Variants in FBLN1 observed in about 807,000 individuals in gnomAD.
The protein encoded by FBLN1 is fibulin-1.
A neutral mutation model predicts 89.7 loss-of-function variants in FBLN1; 34 were observed. The ratio of observed to expected loss-of-function variants is 0.38; its 90% CI spans 0.29 to 0.50. The LOEUF (loss-of-function observed/expected upper bound fraction) is 0.50. Ranked by LOEUF, FBLN1 falls within the 20% of genes least tolerant of loss-of-function variation. FBLN1 has a pLI of 0.92. For missense variants in FBLN1, 777 were observed against 988.1 expected, an observed-to-expected ratio of 0.79 and a Z score of 2.86; for synonymous variants, 393 against 391.3, an observed-to-expected ratio of 1.00 and a Z score of -0.05.
chr22:45,571,561 C>T (rs914973835), intron 14 of FBLN1, among the ~76,000 whole-genome samples: 1 of 152,132 alleles, frequency 6.6e-6, no homozygotes, highest in African/African-American at 2.4e-5. Flanking sequence ...AATTGTTATC[C>T]TGAGGCTACT....
At chr22:45,564,691 C>A (rs1475597375) in intron 14 of FBLN1, among the ~76,000 whole-genome samples, 1 of 152,242 alleles carries the variant, frequency 6.6e-6, no homozygotes, top group Non-Finnish European at 1.5e-5. Flanking sequence ...GTCTTCCGCA[C>A]CTTCCAGAAG....
At chr22:45,592,629 C>A (rs1223354581) in intron 16 of FBLN1, among the ~76,000 whole-genome samples, 1 of 152,178 alleles carries the variant, frequency 6.6e-6, no homozygotes, top group East Asian at 1.9e-4. Context: ...CGCCCGGCCG[C>A]ACATATTCTC....
chr22:45,579,976 GT>G lies in FBLN1; in HGVS notation c.1972+2870del, dbSNP rs2089029219. On this transcript the variant is annotated intron_variant, in intron 16 of 16. Coordinates refer to ENST00000327858, the MANE Select transcript of FBLN1 (RefSeq NM_006486.3). This position sits in a 1 kb window ranked among gnomAD's most constrained non-coding sequence, Gnocchi z 5.5. ...CCTGAAGCAGCCCTGAAAACGTGGGGTTGAACCCTTGCCGGCTCCTTACCGT... is the reference window on the plus strand; with the variant it reads ...CCTGAAGCAGCCCTGAAAACGTGGGGTGAACCCTTGCCGGCTCCTTACCGT... Among the ~76,000 whole-genome samples the G allele has an allele frequency of 6.6e-6, 1 of 152,006 alleles. No individual in the cohort carries two copies. The highest frequency in any genetic ancestry group is 6.6e-5 in the Admixed American group (1 of 15,254).
rs192555510 is a variant in FBLN1 at position 45,579,318 on chromosome 22, G to A, written c.1972+2210G>A. Among the ~76,000 whole-genome samples, 1 of 152,280 alleles carries A rather than the reference G, an allele frequency of 6.6e-6. No homozygotes were observed. The highest frequency in any genetic ancestry group is 1.5e-5 in the Non-Finnish European group (1 of 68,044). ...AACTGAGGCCCGGAAGGGCGAGGGGGCTTGCCAGTCTTCTTACAGTGAATC... is the reference window on the plus strand; with the variant it reads ...AACTGAGGCCCGGAAGGGCGAGGGGACTTGCCAGTCTTCTTACAGTGAATC... On this transcript the variant is annotated intron_variant, in intron 16 of 16. Coordinates refer to ENST00000327858, the MANE Select transcript of FBLN1 (RefSeq NM_006486.3). The surrounding 1 kb of genome is among the most constrained non-coding windows in gnomAD (Gnocchi z 5.5).
Position 45,582,192 on chromosome 22 carries a change from T to C in FBLN1, c.1972+5084T>C, listed in dbSNP as rs544474358. ...CGGGACTCCCCATCCCCATGGCCTA[T>C]GTTAAGCCCTGATTATTTTTTCTGG... On this transcript the variant is annotated intron_variant, in intron 16 of 16. Coordinates refer to ENST00000327858, the MANE Select transcript of FBLN1 (RefSeq NM_006486.3). Among the ~76,000 whole-genome samples the C allele has an allele frequency of 3.9e-5, 6 of 152,314 alleles. No individual in the cohort carries two copies. The East Asian group carries it at 1.2e-3, about 29-fold the overall frequency.
chr22:45,583,856 A>G lies in FBLN1; in HGVS notation c.1972+6748A>G, dbSNP rs780095182. Among the ~76,000 whole-genome samples the G allele has an allele frequency of 2.0e-5, 3 of 152,184 alleles. No individual in the cohort carries two copies. The highest frequency in any genetic ancestry group is 4.4e-5 in the Non-Finnish European group (3 of 68,022). ...GGGACCAAAGCCTTTACTGGGGTCC[A>G]GGGTGTTATCCAGGCAGGTTTCCCG... On this transcript the variant is annotated intron_variant, in intron 16 of 16. Coordinates refer to ENST00000327858, the MANE Select transcript of FBLN1 (RefSeq NM_006486.3). The surrounding 1 kb of genome is among the most constrained non-coding windows in gnomAD (Gnocchi z 4.5).
chr22:45,539,642 A>ACG (rs2088529290), intron 8 of FBLN1, among the ~76,000 whole-genome samples: 1 of 152,198 alleles, frequency 6.6e-6, no homozygotes, highest in Non-Finnish European at 1.5e-5. Flanking sequence ...AGCCAAGTGA[A>ACG]CGGGGACCTT....
chr22:45,522,273 A>G lies in FBLN1; in HGVS notation c.186-3270A>G, dbSNP rs908357404. On this transcript the variant is annotated intron_variant, in intron 2 of 16. Coordinates refer to ENST00000327858, the MANE Select transcript of FBLN1 (RefSeq NM_006486.3). ...CATGCTGAGATTACAGGCATGAGCC[A>G]CTGCACCCAGCCAAATTCTCTTCTT... Among the ~76,000 whole-genome samples the G allele has an allele frequency of 1.6e-4, 24 of 152,348 alleles. No homozygotes were observed. The East Asian group carries it at 4.4e-3, about 28-fold the overall frequency.
chr22:45,528,320 G>C lies in FBLN1; in HGVS notation c.484+311G>C, dbSNP rs551915789. Among the ~76,000 whole-genome samples, 5 of 152,160 alleles carry C rather than the reference G, an allele frequency of 3.3e-5. No homozygotes were observed. In the South Asian group the frequency reaches 8.3e-4, roughly 25 times the overall value. On this transcript the variant is annotated intron_variant, in intron 4 of 16. Coordinates refer to ENST00000327858, the MANE Select transcript of FBLN1 (RefSeq NM_006486.3). Reference sequence around the variant, plus strand: ...GTATGAAGATGATCTGCTTTTCTCAGCATCAACAGACTTACATGTTAATCT... The same window carrying C: ...GTATGAAGATGATCTGCTTTTCTCACCATCAACAGACTTACATGTTAATCT...
intron 1 of FBLN1, among the ~76,000 whole-genome samples, chr22:45,508,602 T>G (rs1364772666): frequency 6.6e-6 from 1 of 152,138 alleles, no homozygotes; most frequent in Non-Finnish European, 1.5e-5. Context: ...TTAAGTCTAG[T>G]TCAGGGGGGG....
chr22:45,575,764 G>T lies in FBLN1; in HGVS notation c.1840+1111G>T, dbSNP rs191366134. Reference sequence around the variant, plus strand: ...CTGCGTGCTCCCAAGCCTGGCAGAGGGCTATGGATGGAGCATTGTCCTGTT... The same window carrying T: ...CTGCGTGCTCCCAAGCCTGGCAGAGTGCTATGGATGGAGCATTGTCCTGTT... On this transcript the variant is annotated intron_variant, in intron 15 of 16. Transcript: ENST00000327858. The surrounding 1 kb of genome is among the most constrained non-coding windows in gnomAD (Gnocchi z 6.3). Among the ~76,000 whole-genome samples the T allele has an allele frequency of 2.5e-4, 38 of 152,274 alleles. No individual in the cohort carries two copies. The East Asian group carries it at 3.5e-3, about 14-fold the overall frequency.
rs766178236 is a variant in FBLN1 at position 45,542,178 on chromosome 22, G to C, written c.1090G>C (p.Ala364Pro). The C allele has an allele frequency of 1.1e-5, 17 of 1,614,082 alleles. No individual in the cohort carries two copies. Among genetic ancestry groups the C allele is most frequent in the Admixed American group, 1.7e-5 (1 of 60,014 alleles). Residue 364 changes from alanine (A) to proline (P), a missense_variant, in exon 10 of 17, where the codon GCT becomes CCT. Ala to Pro is a conservative substitution (Grantham distance 27). Transcript: ENST00000327858. ...CVDVDECAPP[A>P]EPCGKGHRCV... ...AGATGTGGACGAGTGCGCGCCACCTGCTGAGCCCTGTGGGAAGGGACATCG... is the reference window on the plus strand; with the variant it reads ...AGATGTGGACGAGTGCGCGCCACCTCCTGAGCCCTGTGGGAAGGGACATCG...
intron 2 of FBLN1, among the ~76,000 whole-genome samples, chr22:45,520,020 A>C (rs1322534287): frequency 6.6e-6 from 1 of 152,016 alleles, no homozygotes; most frequent in Admixed American, 6.6e-5. Context: ...AAATATAAAA[A>C]TTAGCTGGTT....
At chr22:45,506,016 A>G (rs1338721236) in intron 1 of FBLN1, among the ~76,000 whole-genome samples, 2 of 152,164 alleles carry the variant, frequency 1.3e-5, no homozygotes, top group African/African-American at 2.4e-5. Flanking sequence ...TGATCCACCT[A>G]CCTCGGCCTC....
At chr22:45,533,676 C>T (rs535725004) in intron 6 of FBLN1, 85 bp from the exon 7 acceptor site, 19 of 1,526,656 alleles carry the variant, frequency 1.2e-5, no homozygotes, top group East Asian at 2.2e-5. Flanking sequence ...GCACTTCCAC[C>T]GTGGCTTTGG....
chr22:45,534,292 C>CAAAAAAAAAAAAAAAAAAAAAAAAAAAA (rs136746), intron 7 of FBLN1, among the ~76,000 whole-genome samples: 5 of 83,230 alleles, frequency 6.0e-5, no homozygotes, highest in Non-Finnish European at 6.4e-5. Context: ...GTACTTTCTA[C>CAAAAAAAAAAAAAAAAAAAAAAAAAAAA]AAAAAAAAAA....
chr22:45,539,721 C>A (rs890781161), intron 8 of FBLN1, among the ~76,000 whole-genome samples: 2 of 152,184 alleles, frequency 1.3e-5, no homozygotes, highest in Non-Finnish European at 2.9e-5. Flanking sequence ...CCAAACTCAC[C>A]CTATGCTTTA....
intron 5 of FBLN1, 34 bp from the exon 6 acceptor site, chr22:45,533,029 G>A (rs775478611): frequency 8.8e-6 from 14 of 1,587,464 alleles, no homozygotes; most frequent in African/African-American, 1.3e-5. Flanking sequence ...GCCTGGGTGC[G>A]TCCATCCCTG....
At position 45,549,124 on chromosome 22, in the gene FBLN1, G is replaced by A. The variant is rs1337676246; in HGVS notation, c.1573+380G>A. 6.6e-6 allele frequency among the ~76,000 whole-genome samples: 1 copy of A among 152,206 alleles called. No individual in the cohort carries two copies. The highest frequency in any genetic ancestry group is 1.5e-5 in the Non-Finnish European group (1 of 68,034). ...GGATGGCGTGGCCTGGTGTGGGATG[G>A]CCCAGGGATACTCATGGCTATGGGT... On this transcript the variant is annotated intron_variant, in intron 13 of 16. Transcript: ENST00000327858. The surrounding 1 kb of genome is among the most constrained non-coding windows in gnomAD (Gnocchi z 5.7).
Sources: gnomAD v4.1 joint callset for allele counts (sites outside exome capture counted in the v4.1 genomes callset) on GRCh38, gnomAD v4.1.1 for gene constraint, Gnocchi (gnomAD v3.1) non-coding constraint, MANE v1.5 for transcripts, NCBI Gene and HGNC (gene_info 2026-07-23, HGNC 2026-07-21) for gene names.